SLC25A48: variants seen among roughly 807,000 people sequenced by gnomAD.
SLC25A48 encodes CTC-321K16.1.
SLC25A48 carries 29 observed loss-of-function variants against 32.2 expected under a neutral mutation model. That is an observed-to-expected ratio of 0.90 (90% CI 0.67 to 1.23). The LOEUF (loss-of-function observed/expected upper bound fraction) is 1.23. Among genes scored for constraint, SLC25A48 ranks in the 50% most tolerant of loss-of-function variants. SLC25A48 has a pLI of 0.00. For missense variants in SLC25A48, 399 were observed against 422.7 expected, an observed-to-expected ratio of 0.94 and a Z score of 0.49; for synonymous variants, 164 against 172.3, an observed-to-expected ratio of 0.95 and a Z score of 0.38.
chr5:135,679,604 A>T (rs899932536), intron 3 of SLC25A48, among the ~76,000 whole-genome samples: 14 of 152,218 alleles, frequency 9.2e-5, no homozygotes, highest in African/African-American at 2.7e-4. Flanking sequence ...CCTCAGGGCA[A>T]CATAAAAATG....
At chr5:135,594,992 C>T (rs1486060695) in intron 1 of SLC25A48, among the ~76,000 whole-genome samples, 2 of 152,190 alleles carry the variant, frequency 1.3e-5, no homozygotes, top group Admixed American at 6.5e-5. Flanking sequence ...GGTCTCTCAA[C>T]TCCTAGTCCA....
In SLC25A48 at chr5:135,795,212, C is replaced by T. The variant is rs1365458850; in HGVS notation, c.-520-17311C>T. Reference sequence around the variant, plus strand: ...CCATGTGGTATTACTTCTCATATTTCATGGGGGAGAGGAAGATATTACTCC... The same window carrying T: ...CCATGTGGTATTACTTCTCATATTTTATGGGGGAGAGGAAGATATTACTCC... On this transcript the variant is annotated intron_variant, in intron 3 of 10. Transcript: ENST00000646290. Among the ~76,000 whole-genome samples, 4 of 151,764 alleles carry T rather than the reference C, an allele frequency of 2.6e-5. No individual in the cohort carries two copies. The East Asian group carries it at 7.8e-4, about 30-fold the overall frequency.
At chr5:135,608,778 T>G (rs944131133) in intron 1 of SLC25A48, among the ~76,000 whole-genome samples, 1 of 151,914 alleles carries the variant, frequency 6.6e-6, no homozygotes, top group Non-Finnish European at 1.5e-5. Flanking sequence ...CAAGCTAGAG[T>G]GAGAGGAAAT....
chr5:135,873,472 C>G (rs1761819446), intron 5 of SLC25A48, among the ~76,000 whole-genome samples: 1 of 152,134 alleles, frequency 6.6e-6, no homozygotes, highest in Admixed American at 6.5e-5. Flanking sequence ...TCCCTGCTCT[C>G]TTTTTGCAAC....
At chr5:135,731,116 G>T (rs1019743036) in intron 3 of SLC25A48, among the ~76,000 whole-genome samples, 22 of 152,162 alleles carry the variant, frequency 1.4e-4, no homozygotes, top group African/African-American at 5.3e-4. Flanking sequence ...AGGGAGATAG[G>T]GGTGGGGCCA....
At chr5:135,681,063 G>A (rs570047899) in intron 3 of SLC25A48, among the ~76,000 whole-genome samples, 5 of 152,058 alleles carry the variant, frequency 3.3e-5, no homozygotes, top group South Asian at 2.1e-4. Flanking sequence ...TTGGCTCACC[G>A]CAACCTCTGC....
chr5:135,677,384 A>G (rs374818700), intron 3 of SLC25A48, among the ~76,000 whole-genome samples: 1 of 145,366 alleles, frequency 6.9e-6, no homozygotes, highest in African/African-American at 2.5e-5. Context: ...ATTTTAAATC[A>G]TTCAGCCAGT....
intron 1 of SLC25A48, among the ~76,000 whole-genome samples, chr5:135,580,210 C>A (rs1751201519): frequency 6.6e-6 from 1 of 152,188 alleles, no homozygotes; most frequent in Admixed American, 6.5e-5. Flanking sequence ...GGTGACTAGG[C>A]CAGGAGGGTC....
chr5:135,818,105 CTCTCTCTCTCTCT>C (rs1757783863), intron 4 of SLC25A48, among the ~76,000 whole-genome samples: 3 of 107,224 alleles, frequency 2.8e-5, no homozygotes, highest in East Asian at 2.4e-4. Flanking sequence ...CTCTCTCTCT[CTCTCTCTCTCTCT>C]CCCTCTGTTT....
intron 3 of SLC25A48, among the ~76,000 whole-genome samples, chr5:135,666,031 A>G (rs1017452749): frequency 2.0e-5 from 3 of 152,256 alleles, no homozygotes; most frequent in East Asian, 1.9e-4. Flanking sequence ...TGAAACTCCA[A>G]TGTGTGATTT....
At chr5:135,607,903 C>A (rs927972909) in intron 1 of SLC25A48, among the ~76,000 whole-genome samples, 1 of 152,226 alleles carries the variant, frequency 6.6e-6, no homozygotes, top group African/African-American at 2.4e-5. Flanking sequence ...CTGCCACTAA[C>A]TTCTGTGGGA....
At chr5:135,692,619 G>A (rs1434280327) in intron 3 of SLC25A48, among the ~76,000 whole-genome samples, 1 of 152,190 alleles carries the variant, frequency 6.6e-6, no homozygotes, top group Non-Finnish European at 1.5e-5. Context: ...CCAGACAGAG[G>A]AGAAGTCACG....
chr5:135,673,457 G>A (rs1580774258), intron 3 of SLC25A48, among the ~76,000 whole-genome samples: 1 of 152,002 alleles, frequency 6.6e-6, no homozygotes, highest in East Asian at 1.9e-4. Context: ...ATTTTCATTT[G>A]TATTTCTCTA....
intron 3 of SLC25A48, among the ~76,000 whole-genome samples, chr5:135,788,766 G>A (rs955042595): frequency 3.3e-5 from 5 of 150,036 alleles, no homozygotes; most frequent in Admixed American, 6.6e-5. Context: ...CGTAATATCC[G>A]TGGGTTGGGG....
chr5:135,874,997 A>G, intron 6 of SLC25A48: 1 of 383,256 alleles, frequency 2.6e-6, no homozygotes, highest in Non-Finnish European at 4.6e-6. Context: ...CAGAATGATC[A>G]TCCCTTCCAT....
intron 3 of SLC25A48, among the ~76,000 whole-genome samples, chr5:135,658,076 C>A (rs977157806): frequency 5.3e-5 from 8 of 152,198 alleles, no homozygotes; most frequent in African/African-American, 1.7e-4. Flanking sequence ...CACAGTCATG[C>A]CTTCCCAGCA....
intron 3 of SLC25A48, among the ~76,000 whole-genome samples, chr5:135,646,743 C>G (rs1752973780): frequency 6.8e-6 from 1 of 146,982 alleles, no homozygotes; most frequent in Non-Finnish European, 1.5e-5. Flanking sequence ...ACTACATCAT[C>G]TCACTGAAAA....
At chr5:135,688,715 G>A (rs1754075607) in intron 3 of SLC25A48, among the ~76,000 whole-genome samples, 1 of 152,196 alleles carries the variant, frequency 6.6e-6, no homozygotes, top group Non-Finnish European at 1.5e-5. Flanking sequence ...AGGCTGGGTT[G>A]GGCATGAGTT....
chr5:135,880,075 A>G lies in SLC25A48; in HGVS notation c.921A>G (p.Ala307=), dbSNP rs1421489123. 6.5e-7 allele frequency: 1 copy of G among 1,535,724 alleles called. No individual in the cohort carries two copies. Among genetic ancestry groups the G allele is most frequent in the Non-Finnish European group, 8.7e-7 (1 of 1,146,856 alleles). ...TGCAGGCTATCCGCGGGGACCACGC[A>G]GTGACGAGCCCATAAGCGCCAGGTC... ...LSLQAIRGDH[A]VTSP is the part of the protein sequence containing the mutation. The change falls in exon 7 of 8, where the codon GCA becomes GCG. Residue 307 remains alanine (A), a synonymous_variant. Coordinates refer to ENST00000681962, the MANE Select transcript of SLC25A48 (RefSeq NM_001349336.2).
Sources: allele counts gnomAD v4.1 joint callset (sites outside exome capture counted in the v4.1 genomes callset), GRCh38; gene constraint gnomAD v4.1.1; transcripts MANE v1.5; gene names NCBI Gene and HGNC (gene_info 2026-07-23, HGNC 2026-07-21).